CDK14: variants seen among roughly 807,000 people sequenced by gnomAD.
The protein encoded by CDK14 is cyclin dependent kinase 14, also known as cyclin-dependent kinase 14.
CDK14 carries 34 observed loss-of-function variants against 60.7 expected under a neutral mutation model. That is an observed-to-expected ratio of 0.56 (90% CI 0.43 to 0.75). CDK14 has a LOEUF of 0.75. CDK14 is among the 30% of genes least tolerant of loss of function. The pLI, the probability that CDK14 is intolerant of heterozygous loss-of-function variation, is 0.00. For synonymous variants in CDK14, 197 were observed against 203.7 expected, an observed-to-expected ratio of 0.97 and a Z score of 0.28; for missense variants, 482 against 564.1, an observed-to-expected ratio of 0.85 and a Z score of 1.47.
intron 11 of CDK14, among the ~76,000 whole-genome samples, chr7:91,064,556 C>T (rs911136574): frequency 2.6e-5 from 4 of 152,196 alleles, no homozygotes; most frequent in Non-Finnish European, 4.4e-5. Context: ...AAATAGGAGT[C>T]GTGGGTATCC....
intron 5 of CDK14, among the ~76,000 whole-genome samples, chr7:90,829,369 T>C (rs190539173): frequency 5.9e-5 from 9 of 152,080 alleles, no homozygotes; most frequent in Admixed American, 3.3e-4. Context: ...CACAAGCAAG[T>C]CCCTTCTGAA....
intron 14 of CDK14, among the ~76,000 whole-genome samples, chr7:91,163,048 G>C (rs1801218553): frequency 6.6e-6 from 1 of 152,182 alleles, no homozygotes; most frequent in Non-Finnish European, 1.5e-5. Context: ...CTATCTGTAT[G>C]TTCCTAAAAC....
chr7:90,598,131 C>T (rs940889479), intron 1 of CDK14, among the ~76,000 whole-genome samples: 47 of 152,310 alleles, frequency 3.1e-4, no homozygotes, highest in African/African-American at 1.1e-3. Flanking sequence ...GTCCATTAAG[C>T]CGTGTTCTAA....
chr7:90,627,204 A>G (rs949329464), intron 2 of CDK14, among the ~76,000 whole-genome samples: 1 of 151,366 alleles, frequency 6.6e-6, no homozygotes, highest in Admixed American at 6.6e-5. Context: ...AGTGGCTACT[A>G]TTGGTCAGCA....
intron 4 of CDK14, among the ~76,000 whole-genome samples, chr7:90,774,982 G>A (rs905589685): frequency 2.0e-5 from 3 of 152,178 alleles, no homozygotes; most frequent in African/African-American, 4.8e-5. Context: ...GAGCCTCATG[G>A]TGGTGAATCA....
At chr7:91,014,111 A>G (rs1370488762) in intron 10 of CDK14, among the ~76,000 whole-genome samples, 2 of 152,064 alleles carry the variant, frequency 1.3e-5, no homozygotes, top group African/African-American at 2.4e-5. Flanking sequence ...ACCAGAATTC[A>G]CATTCAGTTT....
At chr7:90,920,023 A>G (rs1253751071) in intron 8 of CDK14, among the ~76,000 whole-genome samples, 1 of 152,244 alleles carries the variant, frequency 6.6e-6, no homozygotes, top group African/African-American at 2.4e-5. Flanking sequence ...TGTAGTGAGC[A>G]AGATTCATTC....
intron 2 of CDK14, among the ~76,000 whole-genome samples, chr7:90,621,077 T>C (rs1475576119): frequency 1.3e-5 from 2 of 152,210 alleles, no homozygotes; most frequent in Non-Finnish European, 2.9e-5. Context: ...ACTCATGTTT[T>C]AGAAGGAAAC....
intron 2 of CDK14, among the ~76,000 whole-genome samples, chr7:90,702,986 A>G (rs1355475505): frequency 6.6e-6 from 1 of 151,492 alleles, no homozygotes; most frequent in African/African-American, 2.4e-5. Context: ...ACCCCCAACT[A>G]GAAAATATGT....
intron 14 of CDK14, among the ~76,000 whole-genome samples, chr7:91,178,774 G>T (rs536549069): frequency 6.6e-6 from 1 of 151,470 alleles, no homozygotes; most frequent in South Asian, 2.1e-4. Context: ...TCTCACACCA[G>T]TTAGAATGGC....
At chr7:90,794,510 A>C (rs1805972797) in intron 5 of CDK14, among the ~76,000 whole-genome samples, 1 of 152,078 alleles carries the variant, frequency 6.6e-6, no homozygotes, top group Admixed American at 6.6e-5. Flanking sequence ...TCTCTTTCTC[A>C]GGGATGTTCT....
intron 14 of CDK14, among the ~76,000 whole-genome samples, chr7:91,182,938 T>C (rs1318355513): frequency 6.6e-6 from 1 of 152,198 alleles, no homozygotes; most frequent in Non-Finnish European, 1.5e-5. Context: ...AAGCCTGTGC[T>C]CATTACACTA....
intron 1 of CDK14, 62 bp downstream of exon 1, chr7:90,596,780 G>A (rs1799196196): frequency 7.3e-7 from 1 of 1,373,834 alleles, no homozygotes; most frequent in Non-Finnish European, 1.0e-6. Flanking sequence ...CGCCCCCGCC[G>A]CGTTCCTGGC....
At chr7:90,922,287 T>G (rs1193466487) in intron 8 of CDK14, among the ~76,000 whole-genome samples, 1 of 152,200 alleles carries the variant, frequency 6.6e-6, no homozygotes. Flanking sequence ...GAAGCATCAA[T>G]CTACTTCTAA....
intron 14 of CDK14, among the ~76,000 whole-genome samples, chr7:91,139,879 C>G (rs1450470735): frequency 6.7e-6 from 1 of 148,260 alleles, no homozygotes; most frequent in Non-Finnish European, 1.5e-5. Flanking sequence ...CTTTCTCTGT[C>G]ACCTTTCATT....
intron 12 of CDK14, among the ~76,000 whole-genome samples, chr7:91,110,316 C>T (rs1799435420): frequency 6.6e-6 from 1 of 152,072 alleles, no homozygotes; most frequent in Admixed American, 6.6e-5. Context: ...GGGAATGGGA[C>T]TATCTTATAT....
chr7:90,619,942 G>C (rs1030881946), intron 2 of CDK14, among the ~76,000 whole-genome samples: 6 of 152,310 alleles, frequency 3.9e-5, no homozygotes, highest in African/African-American at 1.4e-4. Context: ...GTTGTAGTGA[G>C]CCGAGATTGT....
chr7:90,709,773 T>TA, intron 2 of CDK14: 2 of 1,379,718 alleles, frequency 1.4e-6, no homozygotes, highest in Non-Finnish European at 1.9e-6. Context: ...TTCTGGGCTT[T>TA]TTTTTTTTTG....
chr7:90,902,510 A>T (rs1159357651), intron 7 of CDK14, among the ~76,000 whole-genome samples: 1 of 152,092 alleles, frequency 6.6e-6, no homozygotes, highest in Non-Finnish European at 1.5e-5. Flanking sequence ...TGGGGAAATA[A>T]CATTCTCTTC....
Sources: gnomAD v4.1 joint callset for allele counts (sites outside exome capture counted in the v4.1 genomes callset) on GRCh38, gnomAD v4.1.1 for gene constraint, MANE v1.5 for transcripts, NCBI Gene and HGNC (gene_info 2026-07-23, HGNC 2026-07-21) for gene names.